The following RAB3A variants were observed in gnomAD, a reference collection of about 807,000 sequenced individuals.
The protein encoded by RAB3A is ras-related protein Rab-3A.
A neutral mutation model predicts 19.7 loss-of-function variants in RAB3A; 5 were observed. That is an observed-to-expected ratio of 0.25 (90% confidence interval 0.13 to 0.53). The LOEUF (loss-of-function observed/expected upper bound fraction) is 0.53. RAB3A is among the 20% of genes least tolerant of loss of function. The pLI is 0.95. For missense variants in RAB3A, 189 were observed against 305.6 expected (o/e 0.62, Z 2.85); for synonymous variants, 119 against 122.1 (o/e 0.97, Z 0.17).
rs887759504 is a variant in RAB3A at position 18,202,993 on chromosome 19, G to A, written c.1-253C>T. ...GACACCCCAGCAGCCCCCTTCAAGG[G>A]GCAGGTGCCCCAGGTGGGGCTGTAA... On this transcript the variant is annotated intron_variant, in intron 1 of 4. Coordinates refer to ENST00000222256, the MANE Select transcript of RAB3A (RefSeq NM_002866.5). This position sits in a 1 kb window ranked among gnomAD's most constrained non-coding sequence, Gnocchi z 4.2. 7 of 477,766 alleles carry A rather than the reference G, an allele frequency of 1.5e-5. No individual in the cohort carries two copies. The Admixed American group carries it at 1.8e-4, about 12-fold the overall frequency. The allele number at this position is 477,766 out of a possible 1,614,324, so 29.6% of individuals were successfully genotyped here. A position where few individuals can be genotyped will look rare whatever the true frequency, so the allele number is the denominator to read the frequency against.
intron 1 of RAB3A, among the ~76,000 whole-genome samples, chr19:18,203,033 C>G (rs1452863031): frequency 6.6e-6 from 1 of 152,206 alleles, no homozygotes; most frequent in Admixed American, 6.5e-5. Flanking sequence ...AAACCCAGGG[C>G]TGAGCCCGGA....
Position 18,202,807 on chromosome 19 carries a change from G to C in RAB3A, c.1-67C>G, listed in dbSNP as rs541801412. ...TCCATCCTCATGTGCCCAAGCCCAGGCAGAAGATGGCAAGGGCTCCAGAAA... is the reference window on the plus strand; with the variant it reads ...TCCATCCTCATGTGCCCAAGCCCAGCCAGAAGATGGCAAGGGCTCCAGAAA... On this transcript the variant is annotated intron_variant, in intron 1 of 4. Coordinates refer to ENST00000222256, the MANE Select transcript of RAB3A (RefSeq NM_002866.5). The surrounding 1 kb of genome is among the most constrained non-coding windows in gnomAD (Gnocchi z 4.2). 7.6e-7 allele frequency: 1 copy of C among 1,307,582 alleles called. No individual in the cohort carries two copies. The highest frequency in any genetic ancestry group is 1.5e-5 in the African/African-American group (1 of 68,826). The allele number at this position is 1,307,582 out of a possible 1,614,324, so 81.0% of individuals were successfully genotyped here. A position where few individuals can be genotyped will look rare whatever the true frequency, so the allele number is the denominator to read the frequency against.
chr19:18,201,010 G>A (rs1967600856), intron 2 of RAB3A, among the ~76,000 whole-genome samples: 3 of 151,976 alleles, frequency 2.0e-5, no homozygotes, highest in Non-Finnish European at 4.4e-5. Flanking sequence ...CAAGGCAGGT[G>A]GATCACCTGA....
Position 18,198,759 on chromosome 19 carries a change from T to A in RAB3A, c.438A>T (p.Ser146=). 6.2e-7 allele frequency: 1 copy of A among 1,614,170 alleles called. No homozygotes were observed. Among genetic ancestry groups the A allele is most frequent in the Non-Finnish European group, 8.5e-7 (1 of 1,180,034 alleles). The part of the protein sequence containing the change: ...KCDMEDERVV[S]SERGRQLADH... ...CAGCTAGCTGCCGGCCACGTTCTGA[T>A]GACACCACCCGCTCATCCTCCATGT... Residue 146 remains serine, a synonymous_variant, in exon 4 of 5, where the codon TCA becomes TCT. Coordinates refer to ENST00000222256, the MANE Select transcript of RAB3A (RefSeq NM_002866.5).
rs1194158560 is a variant in RAB3A, at chr19:18,202,609, G to A, written c.132C>T (p.Asp44=). ...GKTSFLFRYA[D]DSFTPAFVST... ...TGACGAAGGCAGGCGTGAACGAGTC[G>A]TCAGCATAGCGGAAGAGGAAGGACG... The change falls in exon 2 of 5, where the codon GAC becomes GAT. Residue 44 remains aspartate (D), a synonymous_variant. Transcript: ENST00000222256. The surrounding 1 kb of genome is among the most constrained non-coding windows in gnomAD (Gnocchi z 4.2). The A allele has an allele frequency of 1.9e-6, 3 of 1,614,218 alleles. No individual in the cohort carries two copies. The highest frequency in any genetic ancestry group is 2.7e-5 in the African/African-American group (2 of 75,048).
Position 18,202,553 on chromosome 19 carries a change from G to C in RAB3A, c.188C>G (p.Thr63Ser). The C allele has an allele frequency of 6.2e-7, 1 of 1,614,212 alleles. No individual in the cohort carries two copies. The highest frequency in any genetic ancestry group is 8.5e-7 in the Non-Finnish European group (1 of 1,180,040). The change falls in exon 2 of 5, where the codon ACC becomes AGC. Residue 63 changes from threonine to serine, a missense_variant. Coordinates refer to ENST00000222256, the MANE Select transcript of RAB3A (RefSeq NM_002866.5). The surrounding 1 kb of genome is among the most constrained non-coding windows in gnomAD (Gnocchi z 4.2). ...GATCCTCTTGTCGTTGCGATAGATG[G>C]TCTTGACCTTGAAGTCGATGCCCAC... ...STVGIDFKVK[T>S]IYRNDKRIKL... is the part of the protein sequence containing the mutation.
At chr19:18,198,938 G>A (rs368111103) in intron 3 of RAB3A, 89 bp from the exon 4 acceptor site, 55 of 1,488,578 alleles carry the variant, frequency 3.7e-5, no homozygotes, top group East Asian at 1.4e-4. Flanking sequence ...GTCCTTGTCC[G>A]AGGAAGAAAG....
rs1381480024 is a variant in RAB3A at position 18,198,868 on chromosome 19, G to A, written c.348-19C>T. 6.2e-7 allele frequency: 1 copy of A among 1,612,180 alleles called. No homozygotes were observed. The highest frequency in any genetic ancestry group is 1.3e-5 in the African/African-American group (1 of 74,976). ...GGTGGACCTATAGGAGGCACCAATG[G>A]GGGCAGGTCAGGGCTTGGAGGATCC... On this transcript the variant is annotated intron_variant, in intron 3 of 4. Coordinates refer to ENST00000222256, the MANE Select transcript of RAB3A (RefSeq NM_002866.5).
chr19:18,201,929 C>T (rs1967618927), intron 2 of RAB3A, among the ~76,000 whole-genome samples: 1 of 151,938 alleles, frequency 6.6e-6, no homozygotes, highest in Non-Finnish European at 1.5e-5. Context: ...CAGAGTGAGA[C>T]TCTGTCTCTT....
chr19:18,197,429 T>G lies in RAB3A; in HGVS notation c.*41A>C, dbSNP rs941120862. The G allele has an allele frequency of 6.4e-7, 1 of 1,573,664 alleles. No homozygotes were observed. The highest frequency in any genetic ancestry group is 1.4e-5 in the African/African-American group (1 of 73,138). ...TCAGGCCCGGGTAGTTGGGGGAAGG[T>G]GGGGAAGACAGGGAAGAGGGGAAAG... On this transcript the variant is annotated 3_prime_UTR_variant, in exon 5 of 5. Coordinates refer to ENST00000222256, the MANE Select transcript of RAB3A (RefSeq NM_002866.5).
chr19:18,198,871 G>T, intron 3 of RAB3A, 22 bp from the exon 4 acceptor site: 1 of 1,610,870 alleles, frequency 6.2e-7, no homozygotes, highest in Non-Finnish European at 8.5e-7. Flanking sequence ...ACCAATGGGG[G>T]CAGGTCAGGG....
At chr19:18,199,859 C>T (rs759538644) in intron 3 of RAB3A, among the ~76,000 whole-genome samples, 2 of 152,258 alleles carry the variant, frequency 1.3e-5, no homozygotes, top group African/African-American at 2.4e-5. Context: ...TATTCTCCAC[C>T]CTACACTTGC....
chr19:18,197,440 GGGAAGA>G lies in RAB3A; in HGVS notation c.*24_*29del. ...TAGTTGGGGGAAGGTGGGGAAGACA[GGGAAGA>G]GGGGAAAGGGAGTGGGATGGCTCTC... is the stretch of plus-strand genomic sequence containing the variant. On this transcript the variant is annotated 3_prime_UTR_variant, in exon 5 of 5. Transcript: ENST00000222256. 1 of 1,591,500 alleles carries G rather than the reference GGGAAGA, an allele frequency of 6.3e-7. No individual in the cohort carries two copies. Among genetic ancestry groups the G allele is most frequent in the Non-Finnish European group, 8.6e-7 (1 of 1,166,676 alleles).
chr19:18,200,697 G>A (rs932351411), intron 2 of RAB3A, among the ~76,000 whole-genome samples: 7 of 152,162 alleles, frequency 4.6e-5, no homozygotes, highest in African/African-American at 1.2e-4. Flanking sequence ...CACTATGGGA[G>A]GCTGAGGTGG....
chr19:18,197,548 G>A lies in RAB3A; in HGVS notation c.585C>T (p.Asp195=), dbSNP rs768806536. ...CCTGCTTGGCGCCTGTGACCGCAGG[G>A]TCCGCCGTGTCCAACGACTCGGACA... ...EKMSESLDTA[D]PAVTGAKQGP... Residue 195 remains aspartate (D), a synonymous_variant, in exon 5 of 5, where the codon GAC becomes GAT. Transcript: ENST00000222256. 39 of 1,613,690 alleles carry A rather than the reference G, an allele frequency of 2.4e-5. No homozygotes were observed. Among genetic ancestry groups the A allele is most frequent in the Non-Finnish European group, 3.2e-5 (38 of 1,180,002 alleles).
chr19:18,202,251 A>G lies in RAB3A; in HGVS notation c.228+262T>C, dbSNP rs1967623877. 1 of 423,692 alleles carries G rather than the reference A, an allele frequency of 2.4e-6. No homozygotes were observed. The highest frequency in any genetic ancestry group is 2.0e-5 in the African/African-American group (1 of 49,756). 26.2% of individuals were successfully genotyped at this position (423,692 alleles called of 1,614,324 possible). On this transcript the variant is annotated intron_variant, in intron 2 of 4. Transcript: ENST00000222256. The surrounding 1 kb of genome is among the most constrained non-coding windows in gnomAD (Gnocchi z 4.2). ...ACCCTGTCTCAAAAAACAAACAAAA[A>G]AAGAGAATGGGGACCAAGATCCAGC...
Position 18,199,196 on chromosome 19 carries a change from G to A in RAB3A, c.348-347C>T, listed in dbSNP as rs12985673. 2.7e-3 allele frequency among the ~76,000 whole-genome samples: 414 copies of A among 151,834 alleles called. 1 individual carries two copies. Among genetic ancestry groups the A allele is most frequent in the East Asian group, 0.01 (54 of 5,148 alleles). On this transcript the variant is annotated intron_variant, in intron 3 of 4. Transcript: ENST00000222256. The stretch of plus-strand genomic sequence containing the variant: ...TTTTGAGATAGAGTCTTGCTCTGTC[G>A]CCCAGGCTGGAGTGCAGTGGCGCGA...
At chr19:18,201,828 G>C (rs1967617154) in intron 2 of RAB3A, among the ~76,000 whole-genome samples, 1 of 152,166 alleles carries the variant, frequency 6.6e-6, no homozygotes, top group African/African-American at 2.4e-5. Context: ...AAAAATTAAA[G>C]GAAGCTGACA....
intron 4 of RAB3A, 90 bp from the exon 5 acceptor site, chr19:18,197,750 G>A: frequency 8.7e-7 from 1 of 1,146,448 alleles, no homozygotes; most frequent in Non-Finnish European, 1.2e-6. Flanking sequence ...AACACCTGGA[G>A]ATTCCCAGTG....
Sources: gnomAD v4.1 joint callset for allele counts (sites outside exome capture counted in the v4.1 genomes callset) on GRCh38, gnomAD v4.1.1 for gene constraint, Gnocchi (gnomAD v3.1) non-coding constraint, MANE v1.5 for transcripts, NCBI Gene and HGNC (gene_info 2026-07-23, HGNC 2026-07-21) for gene names.